Variants in DDX31 observed in about 807,000 individuals in gnomAD.
DDX31 encodes the protein DEAD-box helicase 31, also known as ATP-dependent DNA helicase DDX31.
Under a neutral mutation model 91.3 loss-of-function variants are expected in DDX31, and 70 were observed. The observed-to-expected ratio is 0.77, with a 90% CI of 0.63 to 0.94. The LOEUF (loss-of-function observed/expected upper bound fraction) is 0.94, where lower values mean the gene tolerates loss of function less well. Among genes scored for constraint, DDX31 ranks in the 40% least tolerant of loss-of-function variants. The probability of loss-of-function intolerance (pLI) is 0.00; values close to 1 mark genes in which losing one functional copy is unlikely to be tolerated. For synonymous variants in DDX31, 362 were observed against 350.6 expected, an observed-to-expected ratio of 1.03 and a Z score of -0.36; for missense variants, 902 against 925.0, an observed-to-expected ratio of 0.98 and a Z score of 0.32.
At chr9:132,644,409 T>C (rs1228950528) in intron 13 of DDX31, among the ~76,000 whole-genome samples, 2 of 152,174 alleles carry the variant, frequency 1.3e-5, no homozygotes, top group African/African-American at 2.4e-5. Flanking sequence ...GAAGTACAAT[T>C]ATCATCCCCA....
At chr9:132,667,889 T>C (rs1447943137) in intron 1 of DDX31, among the ~76,000 whole-genome samples, 2 of 152,228 alleles carry the variant, frequency 1.3e-5, no homozygotes, top group African/African-American at 4.8e-5. Context: ...ATAGTCTTCA[T>C]GTATACTATC....
intron 6 of DDX31, chr9:132,658,132 C>G: frequency 1.8e-6 from 1 of 570,468 alleles, no homozygotes; most frequent in South Asian, 2.4e-5. Context: ...TGTAAAAGGT[C>G]CCACGTTAGG....
rs1279634943 is a variant in DDX31 at position 132,638,834 on chromosome 9, T to C, written c.1440+3170A>G. ...AACCATGAAGGAAACAGCGTAATTG[T>C]GAACTTCTGTGTGAGCACACTGCTA... On this transcript the variant is annotated intron_variant, in intron 14 of 19. Coordinates refer to ENST00000372159, the MANE Select transcript of DDX31 (RefSeq NM_022779.9). 2.6e-5 allele frequency among the ~76,000 whole-genome samples: 4 copies of C among 152,354 alleles called. No homozygotes were observed. In the East Asian group the frequency reaches 7.7e-4, roughly 29 times the overall value.
At chr9:132,616,420 G>C (rs1222671506) in intron 18 of DDX31, among the ~76,000 whole-genome samples, 1 of 152,168 alleles carries the variant, frequency 6.6e-6, no homozygotes, top group Non-Finnish European at 1.5e-5. Flanking sequence ...CATCCTTTAA[G>C]AATTACTGTA....
chr9:132,637,417 C>T (rs1397723279), intron 14 of DDX31, among the ~76,000 whole-genome samples: 1 of 152,208 alleles, frequency 6.6e-6, no homozygotes, highest in Non-Finnish European at 1.5e-5. Flanking sequence ...CTCCATGAGA[C>T]CTAGGAGTAC....
Position 132,646,685 on chromosome 9 carries a change from A to C in DDX31, c.1203+138T>G, listed in dbSNP as rs370885631. The C allele has an allele frequency of 1.5e-3, 1,135 of 754,886 alleles. 20 individuals are homozygous for C. In the South Asian group the frequency reaches 0.017, roughly 11 times the overall value. 46.8% of individuals were successfully genotyped at this position (754,886 alleles called of 1,614,324 possible). ...AAACCTGACTGAAAGGATGTATATCAAAGTCTGCATCCGGAATGCAGACAT... is the reference window on the plus strand; with the variant it reads ...AAACCTGACTGAAAGGATGTATATCCAAGTCTGCATCCGGAATGCAGACAT... On this transcript the variant is annotated intron_variant, in intron 12 of 19. Transcript: ENST00000372159.
Position 132,661,234 on chromosome 9 carries a change from C to A in DDX31, c.426G>T (p.Thr142=). The change falls in exon 4 of 20, where the codon ACG becomes ACT. Residue 142 remains threonine (T), a synonymous_variant. Coordinates refer to ENST00000372159, the MANE Select transcript of DDX31 (RefSeq NM_022779.9). ...LHPHLISTIN[T]VLKMSSMTSV... ...TGGTCATACTAGACATTTTTAAGACCGTATTTATTGTGGAAATCTAAAAGA... is the reference window on the plus strand; with the variant it reads ...TGGTCATACTAGACATTTTTAAGACAGTATTTATTGTGGAAATCTAAAAGA... 1 of 1,607,242 alleles carries A rather than the reference C, an allele frequency of 6.2e-7. No individual in the cohort carries two copies. The highest frequency in any genetic ancestry group is 8.5e-7 in the Non-Finnish European group (1 of 1,176,202).
At chr9:132,625,866 T>C in intron 16 of DDX31, 121 bp from the exon 17 acceptor site, 2 of 657,466 alleles carry the variant, frequency 3.0e-6, no homozygotes, top group Non-Finnish European at 5.2e-6. Context: ...GACACCTTCC[T>C]AGGAAAGGAA....
chr9:132,640,789 T>C (rs1029526900), intron 14 of DDX31, among the ~76,000 whole-genome samples: 1 of 152,196 alleles, frequency 6.6e-6, no homozygotes, highest in African/African-American at 2.4e-5. Context: ...CTGGTAGGCA[T>C]GAACCATCAC....
rs539980768 is a variant in DDX31, at chr9:132,669,708, C to T, written c.75+152G>A. ...GTGTTCCGGTTAGAGACACGTGTTT[C>T]GGCGCAACTTGTCCCGAAGCTGCCC... On this transcript the variant is annotated intron_variant, in intron 1 of 19. Coordinates refer to ENST00000372159, the MANE Select transcript of DDX31 (RefSeq NM_022779.9). 53 of 1,533,358 alleles carry T rather than the reference C, an allele frequency of 3.5e-5. No homozygotes were observed. In the Admixed American group the frequency reaches 9.0e-4, roughly 26 times the overall value. The allele number at this position is 1,533,358 out of a possible 1,614,324, so 95.0% of individuals were successfully genotyped here.
In DDX31 at chr9:132,595,897, C is replaced by T. The variant is rs557019814; in HGVS notation, c.1995-785G>A. On this transcript the variant is annotated intron_variant, in intron 19 of 19. Coordinates refer to ENST00000372159, the MANE Select transcript of DDX31 (RefSeq NM_022779.9). The surrounding 1 kb of genome is among the most constrained non-coding windows in gnomAD (Gnocchi z 4.6). ...AAAGATGGCAATTTTACCATTTGAT[C>T]GGAAGATCAGAGGAGGAAATTTGTA... Among the ~76,000 whole-genome samples, 5 of 152,094 alleles carry T rather than the reference C, an allele frequency of 3.3e-5. No homozygotes were observed. The highest frequency in any genetic ancestry group is 7.3e-5 in the Non-Finnish European group (5 of 68,028).
At chr9:132,639,267 C>T (rs1833332335) in intron 14 of DDX31, among the ~76,000 whole-genome samples, 1 of 152,112 alleles carries the variant, frequency 6.6e-6, no homozygotes, top group Admixed American at 6.5e-5. Flanking sequence ...AAGAACTTCC[C>T]ACGACTGGGA....
In DDX31 at chr9:132,594,899, TACACC is replaced by T; in HGVS notation, c.2203_2207del (p.Gly735ThrfsTer47). 6.8e-6 allele frequency: 11 copies of T among 1,614,038 alleles called. No homozygotes were observed. Among genetic ancestry groups the T allele is most frequent in the Non-Finnish European group, 8.5e-6 (10 of 1,180,048 alleles). ...TCTGGGAAGTCTTGCTGTCCCGCTGTACACCTTTTTGGGTTTTTCTCCATTTTAAT... is the reference window on the plus strand; with the variant it reads ...TCTGGGAAGTCTTGCTGTCCCGCTGTTTTTTGGGTTTTTCTCCATTTTAAT... On this transcript the variant is annotated frameshift_variant, in exon 20 of 20. Transcript: ENST00000372159. LOFTEE classifies it low-confidence loss of function (END_TRUNC).
At chr9:132,655,900 T>C (rs753339035) in intron 6 of DDX31, among the ~76,000 whole-genome samples, 1 of 152,222 alleles carries the variant, frequency 6.6e-6, no homozygotes, top group Non-Finnish European at 1.5e-5. Context: ...ACCAGAGTTG[T>C]CTGTACTCAA....
chr9:132,616,102 C>A (rs1216841660), intron 18 of DDX31, among the ~76,000 whole-genome samples: 2 of 152,124 alleles, frequency 1.3e-5, no homozygotes, highest in African/African-American at 4.8e-5. Context: ...GTGGCAAATA[C>A]GTGTATACTC....
chr9:132,621,859 C>A lies in DDX31; in HGVS notation c.1714-3418G>T, dbSNP rs1295447542. 2.6e-5 allele frequency among the ~76,000 whole-genome samples: 4 copies of A among 151,946 alleles called. No individual in the cohort carries two copies. The East Asian group carries it at 5.8e-4, about 22-fold the overall frequency. On this transcript the variant is annotated intron_variant, in intron 17 of 19. Transcript: ENST00000372159. ...TCAATTTAGTTTAGTTTTTCTTTTT[C>A]CTCTGAATTCAAGTTAAACTTGGCT... is the stretch of plus-strand genomic sequence containing the variant.
chr9:132,621,845 T>C (rs1462167561), intron 17 of DDX31, among the ~76,000 whole-genome samples: 1 of 152,216 alleles, frequency 6.6e-6, no homozygotes, highest in Admixed American at 6.5e-5. Context: ...CAATTTAGTT[T>C]AGTTTTTCTT....
chr9:132,637,203 C>A (rs1225457478), intron 14 of DDX31, among the ~76,000 whole-genome samples: 1 of 152,200 alleles, frequency 6.6e-6, no homozygotes, highest in Non-Finnish European at 1.5e-5. Context: ...CTCCCTGGAG[C>A]ACAGTCAGCC....
At position 132,625,870 on chromosome 9, in the gene DDX31, A is replaced by G. The variant is rs376054607; in HGVS notation, c.1632-125T>C. On this transcript the variant is annotated intron_variant, in intron 16 of 19. Transcript: ENST00000372159. ...GAAGTAGAAGTGACACCTTCCTAGG[A>G]AAGGAAATATTTTCCTAAACCCTTA... is the stretch of plus-strand genomic sequence containing the variant. The G allele has an allele frequency of 1.1e-3, 702 of 648,942 alleles. 1 individual carries two copies. Among genetic ancestry groups the G allele is most frequent in the Non-Finnish European group, 1.7e-3 (636 of 377,138 alleles). The allele number at this position is 648,942 out of a possible 1,614,324, so 40.2% of individuals were successfully genotyped here.
Sources: gnomAD v4.1 joint callset for allele counts (sites outside exome capture counted in the v4.1 genomes callset) on GRCh38, gnomAD v4.1.1 for gene constraint, Gnocchi (gnomAD v3.1) non-coding constraint, MANE v1.5 for transcripts, NCBI Gene and HGNC (gene_info 2026-07-23, HGNC 2026-07-21) for gene names.